Variants in ARHGAP11A observed in about 807,000 individuals in gnomAD.
The protein encoded by ARHGAP11A is rho GTPase-activating protein 11A.
Under a neutral mutation model 60.5 loss-of-function variants are expected in ARHGAP11A, and 36 were observed. That is an observed-to-expected ratio of 0.59 (90% CI 0.46 to 0.79). ARHGAP11A has a LOEUF of 0.79. Among genes scored for constraint, ARHGAP11A ranks in the 30% least tolerant of loss-of-function variants. The pLI is 0.00. For synonymous variants in ARHGAP11A, 362 were observed against 415.5 expected (o/e 0.87, Z 1.57); for missense variants, 1,071 against 1,199.2 (o/e 0.89, Z 1.58).
chr15:32,623,203 G>GA (rs931424454), intron 2 of ARHGAP11A, among the ~76,000 whole-genome samples: 9 of 150,660 alleles, frequency 6.0e-5, no homozygotes, highest in Admixed American at 4.0e-4. Context: ...AGTAGAGGCA[G>GA]AAAAAAAAGA....
Position 32,629,732 on chromosome 15 carries a change from C to G in ARHGAP11A, c.1075C>G (p.Leu359Val), listed in dbSNP as rs1008767163. ...TAACTTTGAGCTGTTGCCAAGTAAT[C>G]TCTTCAATAGCAGTTCTACACCGGT... is the stretch of plus-strand genomic sequence containing the variant. ...NFNFELLPSN[L>V]FNSSSTPVSV... is the part of the protein sequence containing the mutation. The change falls in exon 8 of 12, where the codon CTC (leucine) becomes GTC (valine). Residue 359 changes from leucine to valine, a missense_variant. Leu to Val is a conservative substitution (Grantham distance 32). Around this residue, in one of 4 missense-constraint regions of ARHGAP11A, gnomAD observed 196 missense variants for 272.1 expected, o/e 0.72. Coordinates refer to ENST00000361627, the MANE Select transcript of ARHGAP11A (RefSeq NM_014783.6). 4 of 1,612,290 alleles carry G rather than the reference C, an allele frequency of 2.5e-6. No homozygotes were observed. The Admixed American group carries it at 5.0e-5, about 20-fold the overall frequency.
In ARHGAP11A at chr15:32,637,634, C is replaced by T. The variant is rs35809294; in HGVS notation, c.2861C>T (p.Ser954Phe). The change falls in exon 12 of 12, where the codon TCT becomes TTT. Residue 954 changes from serine to phenylalanine, a missense_variant. Around this residue, in one of 4 missense-constraint regions of ARHGAP11A, gnomAD observed 776 missense variants for 760.2 expected, o/e 1.02. Transcript: ENST00000361627. ...ACAGTTTATAAACAGAAGATCTTAT[C>T]TGATGGCCAAGTTAAGGTTCCCTTG... ...STTVYKQKILSDGQVKVPLDD... is the reference protein window; with the variant it reads ...STTVYKQKILFDGQVKVPLDD... The T allele has an allele frequency of 6.0e-4, 974 of 1,614,148 alleles. 5 individuals are homozygous for T. In the African/African-American group the frequency reaches 0.012, roughly 20 times the overall value.
intron 11 of ARHGAP11A, 25 bp downstream of exon 11, chr15:32,635,940 G>GT: frequency 6.4e-7 from 1 of 1,559,846 alleles, no homozygotes; most frequent in Non-Finnish European, 8.6e-7. Flanking sequence ...TACTGTTAGA[G>GT]TTTTACCTAA....
chr15:32,616,515 T>A (rs765025708), intron 1 of ARHGAP11A, among the ~76,000 whole-genome samples, 175 bp downstream of exon 1: 4 of 152,202 alleles, frequency 2.6e-5, no homozygotes, highest in Non-Finnish European at 5.9e-5. Flanking sequence ...TTGTTTTTTT[T>A]CCCCCAAGGA....
intron 1 of ARHGAP11A, 125 bp downstream of exon 1, chr15:32,616,465 G>A (rs1251444920): frequency 7.1e-7 from 1 of 1,400,588 alleles, no homozygotes; most frequent in African/African-American, 1.4e-5. Context: ...GTGTAATTCA[G>A]TTCAGATGGT....
At chr15:32,633,171 A>G (rs1398086426) in intron 9 of ARHGAP11A, 63 bp downstream of exon 9, 1 of 1,559,362 alleles carries the variant, frequency 6.4e-7, no homozygotes, top group Non-Finnish European at 8.8e-7. Flanking sequence ...TAATTAATAA[A>G]ATGTTTTGTC....
chr15:32,628,151 A>G (rs1282007265), intron 6 of ARHGAP11A, among the ~76,000 whole-genome samples: 2 of 152,202 alleles, frequency 1.3e-5, no homozygotes, highest in Non-Finnish European at 2.9e-5. Context: ...CAAGTATCTC[A>G]CACACATACC....
chr15:32,625,050 T>A, intron 4 of ARHGAP11A, 30 bp from the exon 5 acceptor site: 1 of 1,611,836 alleles, frequency 6.2e-7, no homozygotes. Context: ...CACGTTTGGC[T>A]CCATCTAATA....
At chr15:32,623,187 TGAA>T (rs1036843549) in intron 2 of ARHGAP11A, among the ~76,000 whole-genome samples, 6 of 149,810 alleles carry the variant, frequency 4.0e-5, no homozygotes, top group Non-Finnish European at 8.9e-5. Flanking sequence ...GACTGAGATA[TGAA>T]GAAGTAGAGG....
rs1426399590 is a variant in ARHGAP11A at position 32,632,978 on chromosome 15, G to T, written c.1106-1G>T. 6.2e-7 allele frequency: 1 copy of T among 1,611,048 alleles called. No homozygotes were observed. Among genetic ancestry groups the T allele is most frequent in the Admixed American group, 1.7e-5 (1 of 59,356 alleles). On this transcript the variant is annotated splice_acceptor_variant, in intron 8 of 11. Transcript: ENST00000361627. LOFTEE classifies it high-confidence loss of function. ...TATATTACATGTGGTTATTTTTGTA[G>T]TTCACATCGATACAAGCTCAGAAGG...
intron 6 of ARHGAP11A, 28 bp from the exon 7 acceptor site, chr15:32,628,700 T>A (rs543293038): frequency 1.5e-4 from 221 of 1,520,732 alleles, no homozygotes; most frequent in Non-Finnish European, 1.9e-4. Context: ...AAATGTGAAG[T>A]TGTAATTGCT....
At chr15:32,629,786 T>G (rs1242029788) in intron 8 of ARHGAP11A, 24 bp downstream of exon 8, 1 of 1,564,628 alleles carries the variant, frequency 6.4e-7, no homozygotes, top group East Asian at 2.3e-5. Flanking sequence ...TTTATATAAA[T>G]GGATTGTAAA....
intron 9 of ARHGAP11A, among the ~76,000 whole-genome samples, chr15:32,633,421 A>C (rs945156337): frequency 1.3e-5 from 2 of 152,116 alleles, no homozygotes; most frequent in African/African-American, 4.8e-5. Flanking sequence ...TGGGTGGAGC[A>C]CTTGAGCTCA....
At chr15:32,634,861 C>T (rs1001348659) in intron 10 of ARHGAP11A, among the ~76,000 whole-genome samples, 3 of 152,184 alleles carry the variant, frequency 2.0e-5, no homozygotes, top group African/African-American at 7.2e-5. Context: ...TAGAGTATCT[C>T]CAAACTGACC....
chr15:32,636,289 T>G lies in ARHGAP11A; in HGVS notation c.1516T>G (p.Leu506Val), dbSNP rs1383569556. 2 of 1,610,228 alleles carry G rather than the reference T, an allele frequency of 1.2e-6. No individual in the cohort carries two copies. The highest frequency in any genetic ancestry group is 1.7e-6 in the Non-Finnish European group (2 of 1,178,752). ...AAAGATCAGTAAGTCTGAGGAAACC[T>G]TACTAACTCCAGAGCGACTAGTTGG... ...SEKISKSEET[L>V]LTPERLVGTN... Residue 506 changes from leucine (L) to valine (V), a missense_variant, in exon 12 of 12, where the codon TTA (leucine) becomes GTA (valine). This residue lies in a region of ARHGAP11A where 776 missense variants were observed against 760.2 expected (regional missense o/e 1.02). Coordinates refer to ENST00000361627, the MANE Select transcript of ARHGAP11A (RefSeq NM_014783.6).
At chr15:32,634,978 T>G (rs1455671890) in intron 10 of ARHGAP11A, among the ~76,000 whole-genome samples, 2 of 152,242 alleles carry the variant, frequency 1.3e-5, no homozygotes, top group East Asian at 3.8e-4. Context: ...CTACCCTTGC[T>G]GCAGTTCTGT....
chr15:32,627,999 G>C (rs2053506161), intron 6 of ARHGAP11A, among the ~76,000 whole-genome samples: 1 of 151,960 alleles, frequency 6.6e-6, no homozygotes, highest in Admixed American at 6.6e-5. Context: ...TAGTAGAAAG[G>C]GGGTTTCACT....
At chr15:32,634,589 A>C (rs954583149) in intron 10 of ARHGAP11A, among the ~76,000 whole-genome samples, 1 of 152,154 alleles carries the variant, frequency 6.6e-6, no homozygotes, top group Non-Finnish European at 1.5e-5. Context: ...CTGTCTCTTA[A>C]CATCTGCTTT....
At position 32,635,825 on chromosome 15, in the gene ARHGAP11A, G is replaced by T; in HGVS notation, c.1393G>T (p.Ala465Ser). The change falls in exon 11 of 12, where the codon GCA becomes TCA. Residue 465 changes from alanine to serine, a missense_variant. Coordinates refer to ENST00000361627, the MANE Select transcript of ARHGAP11A (RefSeq NM_014783.6). The stretch of plus-strand genomic sequence containing the variant: ...ATATGAAAGTGTTGGTTGGCGACTT[G>T]CAAATCAACAAAGTTTAAAAAATCG... ...NRYESVGWRL[A>S]NQQSLKNRIE... is the part of the protein sequence containing the mutation. 6.2e-7 allele frequency: 1 copy of T among 1,610,488 alleles called. No homozygotes were observed. The highest frequency in any genetic ancestry group is 8.5e-7 in the Non-Finnish European group (1 of 1,178,834).
Sources: gnomAD v4.1 joint callset for allele counts (sites outside exome capture counted in the v4.1 genomes callset) on GRCh38, gnomAD v4.1.1 for gene constraint, gnomAD v4.1.1 regional missense constraint, MANE v1.5 for transcripts, NCBI Gene and HGNC (gene_info 2026-07-23, HGNC 2026-07-21) for gene names.